DCC: variants seen among roughly 807,000 people sequenced by gnomAD.
DCC encodes netrin receptor DCC.
In DCC, 58 loss-of-function variants were observed where a neutral mutation model predicts 172.5. The observed-to-expected ratio is 0.34, with a 90% CI of 0.27 to 0.42. DCC has a LOEUF of 0.42. Among genes scored for constraint, DCC ranks in the 10% least tolerant of loss-of-function variants. The probability of loss-of-function intolerance (pLI) is 1.00; values close to 1 mark genes in which losing one functional copy is unlikely to be tolerated. For synonymous variants in DCC, 709 were observed against 644.5 expected (o/e 1.10, Z -1.52); for missense variants, 1,740 against 1,791.0 (o/e 0.97, Z 0.51).
intron 1 of DCC, among the ~76,000 whole-genome samples, chr18:52,649,439 T>TA (rs1466421794): frequency 6.7e-6 from 1 of 149,634 alleles, no homozygotes; most frequent in Non-Finnish European, 1.5e-5. Flanking sequence ...TCTTTTTTTT[T>TA]ATATGTGTAA....
intron 2 of DCC, among the ~76,000 whole-genome samples, chr18:52,791,675 T>A (rs1397477843): frequency 6.6e-6 from 1 of 151,982 alleles, no homozygotes; most frequent in African/African-American, 2.4e-5. Flanking sequence ...AAAAAATGTA[T>A]CTCAGGAGAG....
chr18:52,673,449 T>G lies in DCC; in HGVS notation c.92-78605T>G, dbSNP rs529962411. The stretch of plus-strand genomic sequence containing the variant: ...TCTGATGTTTGTCTCATGTTTAGAC[T>G]GAGGTTGTGTTTTTTGAGAAAGAAT... On this transcript the variant is annotated intron_variant, in intron 1 of 28. Transcript: ENST00000442544. Among the ~76,000 whole-genome samples the G allele has an allele frequency of 1.2e-4, 19 of 152,346 alleles. No individual in the cohort carries two copies. In the South Asian group the frequency reaches 3.9e-3, roughly 32 times the overall value.
chr18:52,664,470 CTTTTTCTTTTTT>C (rs1412706772), intron 1 of DCC, among the ~76,000 whole-genome samples: 6 of 99,800 alleles, frequency 6.0e-5, no homozygotes, highest in African/African-American at 2.1e-4. Flanking sequence ...TTTTCTTTTT[CTTTTTCTTTTTT>C]TTTTTTTTTT....
rs1278036788 is a variant in DCC, at chr18:53,300,957, GATTC to G, written c.1912-4616_1912-4613del. 6.5e-4 allele frequency among the ~76,000 whole-genome samples: 9 copies of G among 13,836 alleles called. 1 individual carries two copies. The highest frequency in any genetic ancestry group is 5.9e-3 in the South Asian group (2 of 340). The allele number at this position is 13,836 out of a possible 152,430, so 9.1% of individuals were successfully genotyped here. Reference sequence around the variant, plus strand: ...AATCCATTATTTGACGTTGGTTCTGGATTCATTCTTTCTTTCTTTCTTTCTTTCT... The same window carrying G: ...AATCCATTATTTGACGTTGGTTCTGGATTCTTTCTTTCTTTCTTTCTTTCT... On this transcript the variant is annotated intron_variant, in intron 12 of 28. Coordinates refer to ENST00000442544, the MANE Select transcript of DCC (RefSeq NM_005215.4).
intron 2 of DCC, among the ~76,000 whole-genome samples, chr18:52,808,976 C>T (rs1177291821): frequency 6.6e-6 from 1 of 152,118 alleles, no homozygotes; most frequent in East Asian, 1.9e-4. Context: ...CTTACTTTAA[C>T]CCTAGGTTTA....
chr18:53,527,090 CGTGTGTGTGTGT>C lies in DCC; in HGVS notation c.4254+366_4254+377del, dbSNP rs200516080. ...TATACACATGATATACACATGGATA[CGTGTGTGTGTGT>C]GTGTGTGTGTGTGTGTGTGTGTGTG... On this transcript the variant is annotated intron_variant, in intron 28 of 28. Transcript: ENST00000442544. The C allele has an allele frequency of 9.7e-3, 1,976 of 204,722 alleles. 21 individuals are homozygous for C. Among genetic ancestry groups the C allele is most frequent in the Admixed American group, 0.034 (640 of 19,032 alleles). 12.7% of individuals were successfully genotyped at this position (204,722 alleles called of 1,614,324 possible).
intron 1 of DCC, among the ~76,000 whole-genome samples, chr18:52,529,725 T>C (rs949654873): frequency 3.3e-5 from 5 of 152,240 alleles, no homozygotes; most frequent in African/African-American, 4.8e-5. Flanking sequence ...CTTGCAGATA[T>C]AAGAATTATC....
At chr18:53,503,900 G>C (rs1367313011) in intron 27 of DCC, among the ~76,000 whole-genome samples, 1 of 151,898 alleles carries the variant, frequency 6.6e-6, no homozygotes, top group Non-Finnish European at 1.5e-5. Flanking sequence ...AAACTCCAGA[G>C]CATTCTGATC....
chr18:53,143,295 A>G (rs1434708525), intron 7 of DCC, among the ~76,000 whole-genome samples: 1 of 152,202 alleles, frequency 6.6e-6, no homozygotes, highest in African/African-American at 2.4e-5. Flanking sequence ...ATTATCTAAT[A>G]CAACTCTAGA....
rs115428855 is a variant in DCC, at chr18:52,604,583, G to A, written c.92-147471G>A. Among the ~76,000 whole-genome samples, 580 of 152,224 alleles carry A rather than the reference G, an allele frequency of 3.8e-3. 6 individuals carry two copies. The highest frequency in any genetic ancestry group is 0.013 in the African/African-American group (550 of 41,550). On this transcript the variant is annotated intron_variant, in intron 1 of 28. Coordinates refer to ENST00000442544, the MANE Select transcript of DCC (RefSeq NM_005215.4). ...CCATCTGTGCCTGTCCCTTCTTTGT[G>A]GGGAAGGAAAAGTCTTTACCAGAAG...
intron 3 of DCC, among the ~76,000 whole-genome samples, chr18:52,907,356 TATGAATG>T (rs2039903064): frequency 6.9e-6 from 1 of 144,248 alleles, no homozygotes; most frequent in African/African-American, 2.7e-5. Flanking sequence ...ATCATGTATA[TATGAATG>T]ATATATATCA....
At chr18:52,767,799 T>A (rs888436117) in intron 2 of DCC, among the ~76,000 whole-genome samples, 1 of 152,204 alleles carries the variant, frequency 6.6e-6, no homozygotes, top group Admixed American at 6.5e-5. Flanking sequence ...ATGTTGCCTG[T>A]GTAGTTATGT....
At chr18:52,826,483 T>C (rs551176554) in intron 2 of DCC, among the ~76,000 whole-genome samples, 1 of 142,636 alleles carries the variant, frequency 7.0e-6, no homozygotes, top group East Asian at 2.0e-4. Flanking sequence ...TTCCATTCTC[T>C]TTTTTTTTAA....
At chr18:52,660,989 G>A (rs760957173) in intron 1 of DCC, among the ~76,000 whole-genome samples, 1 of 152,160 alleles carries the variant, frequency 6.6e-6, no homozygotes, top group African/African-American at 2.4e-5. Context: ...CTATACCCTC[G>A]ATGCCAACAA....
chr18:52,935,137 T>C (rs1012998149), intron 5 of DCC, among the ~76,000 whole-genome samples: 2 of 152,150 alleles, frequency 1.3e-5, no homozygotes, highest in Non-Finnish European at 2.9e-5. Flanking sequence ...TGCTTACATA[T>C]TGGTAGCACA....
At chr18:53,014,216 C>A (rs1272862088) in intron 5 of DCC, among the ~76,000 whole-genome samples, 1 of 152,100 alleles carries the variant, frequency 6.6e-6, no homozygotes, top group Non-Finnish European at 1.5e-5. Flanking sequence ...TGCTTATTGG[C>A]AGGTAAGCTA....
At chr18:52,875,414 C>G (rs937908428) in intron 2 of DCC, among the ~76,000 whole-genome samples, 1 of 152,138 alleles carries the variant, frequency 6.6e-6, no homozygotes, top group Non-Finnish European at 1.5e-5. Context: ...TACAATCTGT[C>G]TGTCTTCCTT....
At chr18:52,925,813 CTG>C (rs2040193120) in intron 5 of DCC, among the ~76,000 whole-genome samples, 1 of 151,626 alleles carries the variant, frequency 6.6e-6, no homozygotes, top group African/African-American at 2.4e-5. Context: ...CATGGGAATA[CTG>C]TGAGTGTTGA....
intron 1 of DCC, among the ~76,000 whole-genome samples, chr18:52,519,148 G>A (rs1157240629): frequency 6.6e-6 from 1 of 152,192 alleles, no homozygotes; most frequent in Non-Finnish European, 1.5e-5. Context: ...GAAAAAATGT[G>A]CTTGTGTGGG....
Sources: gnomAD v4.1 joint callset for allele counts (sites outside exome capture counted in the v4.1 genomes callset) on GRCh38, gnomAD v4.1.1 for gene constraint, MANE v1.5 for transcripts, NCBI Gene and HGNC (gene_info 2026-07-23, HGNC 2026-07-21) for gene names.